NUMA1: variants seen among roughly 807,000 people sequenced by gnomAD.
NUMA1 encodes the protein nuclear mitotic apparatus protein 1, also known as SP-H antigen.
In NUMA1, 62 loss-of-function variants were observed where a neutral mutation model predicts 237.1. That is an observed-to-expected ratio of 0.26 (90% confidence interval 0.21 to 0.32). The LOEUF (loss-of-function observed/expected upper bound fraction) is 0.32, where lower values mean the gene tolerates loss of function less well. Ranked by LOEUF, NUMA1 falls within the 10% of genes least tolerant of loss-of-function variation. NUMA1 has a pLI of 1.00. For synonymous variants in NUMA1, 1,028 were observed against 1,066.1 expected (o/e 0.96, Z 0.70); for missense variants, 2,533 against 2,666.5 (o/e 0.95, Z 1.10).
intron 2 of NUMA1, among the ~76,000 whole-genome samples, chr11:72,056,139 ACT>A (rs1216166431): frequency 5.9e-5 from 9 of 151,868 alleles, no homozygotes; most frequent in African/African-American, 2.2e-4. Context: ...ACAGAGTGAG[ACT>A]CTGTCTCAAG....
chr11:72,049,556 T>TTATATATATATATATA (rs1942195223), intron 2 of NUMA1: 1 of 21,618 alleles, frequency 4.6e-5, no homozygotes, highest in South Asian at 1.1e-3. Flanking sequence ...AAAAAAATAA[T>TTATATATATATATATA]AATAATATAT....
chr11:72,011,722 A>G (rs2134818854), intron 16 of NUMA1, among the ~76,000 whole-genome samples: 1 of 152,218 alleles, frequency 6.6e-6, no homozygotes, highest in Admixed American at 6.5e-5. Context: ...CACCAGCTCT[A>G]TAGCCTCGAT....
chr11:72,036,866 A>C (rs1288249774), intron 2 of NUMA1, among the ~76,000 whole-genome samples: 1 of 152,182 alleles, frequency 6.6e-6, no homozygotes, highest in East Asian at 1.9e-4. Flanking sequence ...CAACCCTTGC[A>C]ATTTTCACTA....
chr11:72,039,236 A>G (rs1268952197), intron 2 of NUMA1, among the ~76,000 whole-genome samples: 1 of 152,250 alleles, frequency 6.6e-6, no homozygotes, highest in African/African-American at 2.4e-5. Flanking sequence ...AGACACAAGA[A>G]GCAGGACCAG....
chr11:72,021,118 A>C, intron 8 of NUMA1, 86 bp downstream of exon 8: 1 of 1,112,784 alleles, frequency 9.0e-7, no homozygotes, highest in Non-Finnish European at 1.4e-6. Flanking sequence ...GGACAGAAAC[A>C]AACCCCCACC....
chr11:72,027,635 A>C (rs747281131), intron 4 of NUMA1, among the ~76,000 whole-genome samples: 1 of 152,216 alleles, frequency 6.6e-6, no homozygotes, highest in Non-Finnish European at 1.5e-5. Flanking sequence ...CCCCTGATGA[A>C]AGATCTTAAA....
rs773127163 is a variant in NUMA1, at chr11:72,003,969, C to T, written c.6254G>A (p.Arg2085His). The T allele has an allele frequency of 5.6e-6, 9 of 1,613,240 alleles. No homozygotes were observed. Among genetic ancestry groups the T allele is most frequent in the Non-Finnish European group, 6.8e-6 (8 of 1,179,626 alleles). ...GGTGGTGGCAATGCGCGGAGAACGG[C>T]GGGTTCCACTGCGAGTGTTGGGGGA... ...KASPNTRSGT[R>H]RSPRIATTTA... Residue 2085 changes from arginine (R) to histidine (H), a missense_variant, in exon 26 of 27, where the codon CGC (arginine) becomes CAC (histidine). Around this residue, in one of 3 missense-constraint regions of NUMA1, gnomAD observed 795 missense variants for 750.8 expected, o/e 1.06. Transcript: ENST00000393695.
chr11:72,030,000 G>A (rs1321818835), intron 3 of NUMA1, among the ~76,000 whole-genome samples: 2 of 152,074 alleles, frequency 1.3e-5, no homozygotes, highest in Admixed American at 6.6e-5. Flanking sequence ...GCTGAGGGGA[G>A]AAGGGAAAAA....
chr11:72,003,775 C>T, intron 26 of NUMA1, 112 bp downstream of exon 26: 3 of 1,194,326 alleles, frequency 2.5e-6, no homozygotes, highest in South Asian at 2.6e-5. Context: ...TCTTACCCCA[C>T]ACCCTCCAGC....
At chr11:72,021,795 G>T (rs1239101074) in intron 7 of NUMA1, among the ~76,000 whole-genome samples, 5 of 151,928 alleles carry the variant, frequency 3.3e-5, no homozygotes, top group African/African-American at 1.2e-4. Flanking sequence ...AATATTTTTT[G>T]TTGAGACAGG....
At chr11:72,070,558 AG>A (rs1943400114) in intron 1 of NUMA1, among the ~76,000 whole-genome samples, 1 of 152,222 alleles carries the variant, frequency 6.6e-6, no homozygotes, top group South Asian at 2.1e-4. Context: ...CGGTAATCCC[AG>A]CACTTTGGGA....
At position 72,013,510 on chromosome 11, in the gene NUMA1, C is replaced by T. The variant is rs759961708; in HGVS notation, c.3993G>A (p.Ala1331=). 9 of 1,613,582 alleles carry T rather than the reference C, an allele frequency of 5.6e-6. No individual in the cohort carries two copies. The highest frequency in any genetic ancestry group is 1.1e-5 in the South Asian group (1 of 91,084). The part of the protein sequence containing the change: ...RAEELGQELK[A]WQEKFFQKEQ... ...CTTTCTGGAAGAACTTCTCCTGCCA[C>T]GCCTTCAATTCTTGGCCCAGCTCCT... Residue 1331 remains alanine (A), a synonymous_variant, in exon 15 of 27, where the codon GCG becomes GCA. Transcript: ENST00000393695. This position sits in a 1 kb window ranked among gnomAD's most constrained non-coding sequence, Gnocchi z 6.8.
rs148082297 is a variant in NUMA1, at chr11:72,007,251, C to A, written c.5401G>T (p.Gly1801Cys). ...DSLGDVFLDS[G>C]RKTRSARRRT... Reference sequence around the variant, plus strand: ...CGACGAGCGGAGCGGGTCTTACGACCCGAGTCCAGGAAGACGTCTCCCAGG... The same window carrying A: ...CGACGAGCGGAGCGGGTCTTACGACACGAGTCCAGGAAGACGTCTCCCAGG... The change falls in exon 21 of 27, where the codon GGT becomes TGT. Residue 1801 changes from glycine (G) to cysteine (C), a missense_variant. Gly to Cys is a radical substitution (Grantham distance 159). Coordinates refer to ENST00000393695, the MANE Select transcript of NUMA1 (RefSeq NM_006185.4). 1.9e-6 allele frequency: 3 copies of A among 1,612,720 alleles called. No individual in the cohort carries two copies. The highest frequency in any genetic ancestry group is 2.5e-6 in the Non-Finnish European group (3 of 1,179,754).
intron 2 of NUMA1, among the ~76,000 whole-genome samples, chr11:72,060,356 C>A (rs1942876585): frequency 2.0e-5 from 3 of 152,172 alleles, no homozygotes; most frequent in Non-Finnish European, 4.4e-5. Context: ...CAATAACTTG[C>A]CTAAGCACAG....
chr11:72,028,450 TAAA>T (rs11300189), intron 4 of NUMA1, among the ~76,000 whole-genome samples: 2,729 of 75,382 alleles, frequency 0.036, 40 homozygotes, highest in East Asian at 0.089. Context: ...TGCTTTTTCT[TAAA>T]AAAAAAAAAA....
Position 72,022,317 on chromosome 11 carries a change from G to T in NUMA1, c.372+22C>A, listed in dbSNP as rs368477661. On this transcript the variant is annotated intron_variant, in intron 7 of 26. Transcript: ENST00000393695. ...AAGCATGGGCTAGGCCTGCTAGGTG[G>T]CATGGAGGCACAAGGGCTTACCTGA... 58 of 1,549,346 alleles carry T rather than the reference G, an allele frequency of 3.7e-5. No individual in the cohort carries two copies. In the African/African-American group the frequency reaches 6.1e-4, roughly 16 times the overall value.
In NUMA1 at chr11:72,015,324, C is replaced by A. The variant is rs1590909208; in HGVS notation, c.2179G>T (p.Asp727Tyr). The change falls in exon 15 of 27, where the codon GAT (aspartate) becomes TAT (tyrosine). Residue 727 changes from aspartate (D) to tyrosine (Y), a missense_variant. Transcript: ENST00000393695. This position sits in a 1 kb window ranked among gnomAD's most constrained non-coding sequence, Gnocchi z 4.0. ...CAACGCTGCTGCTCTTCCAGGGCAT[C>A]TGCAGCCCTGCGCTTCTCCTCTTCA... ...SLEEEKRRAA[D>Y]ALEEQQRCIS... The A allele has an allele frequency of 4.3e-6, 7 of 1,613,418 alleles. No homozygotes were observed. In the African/African-American group the frequency reaches 9.3e-5, roughly 22 times the overall value.
intron 3 of NUMA1, among the ~76,000 whole-genome samples, chr11:72,034,569 A>G (rs1157936752): frequency 1.3e-5 from 2 of 151,964 alleles, no homozygotes; most frequent in South Asian, 2.1e-4. Flanking sequence ...TTAGCTGGGC[A>G]TGGTGGCGTG....
chr11:72,028,450 T>TAAAAAA (rs11300189), intron 4 of NUMA1, among the ~76,000 whole-genome samples: 1 of 75,368 alleles, frequency 1.3e-5, no homozygotes, highest in Non-Finnish European at 2.4e-5. Flanking sequence ...TGCTTTTTCT[T>TAAAAAA]AAAAAAAAAA....
Sources: allele counts gnomAD v4.1 joint callset (sites outside exome capture counted in the v4.1 genomes callset), GRCh38; gene constraint gnomAD v4.1.1; regional missense constraint gnomAD v4.1.1; non-coding constraint Gnocchi (gnomAD v3.1); transcripts MANE v1.5; gene names NCBI Gene and HGNC (gene_info 2026-07-23, HGNC 2026-07-21).